Variants in SLC39A10 observed in about 807,000 individuals in gnomAD.
The protein encoded by SLC39A10 is solute carrier family 39 member 10, also known as zinc transporter ZIP10.
Under a neutral mutation model 65.1 loss-of-function variants are expected in SLC39A10, and 13 were observed. The ratio of observed to expected loss-of-function variants is 0.20; its 90% CI spans 0.13 to 0.32. SLC39A10 has a LOEUF of 0.32. SLC39A10 is among the 10% of genes least tolerant of loss of function. The pLI is 1.00. For missense variants in SLC39A10, 831 were observed against 1,018.4 expected, an observed-to-expected ratio of 0.82 and a Z score of 2.50; for synonymous variants, 321 against 342.2, an observed-to-expected ratio of 0.94 and a Z score of 0.68.
At chr2:195,690,173 GAAAAAAAAAAA>G (rs34116515) in intron 3 of SLC39A10, among the ~76,000 whole-genome samples, 1 of 61,150 alleles carries the variant, frequency 1.6e-5, no homozygotes, top group African/African-American at 5.2e-5. Context: ...GAGACTCTCT[GAAAAAAAAAAA>G]AAAAAAAAAA....
chr2:195,642,967 C>G (rs1688842444), intron 2 of SLC39A10, among the ~76,000 whole-genome samples: 1 of 152,120 alleles, frequency 6.6e-6, no homozygotes, highest in Non-Finnish European at 1.5e-5. Flanking sequence ...GTGGCAGATT[C>G]TTATTTAAAG....
At chr2:195,645,748 T>C (rs984390244) in intron 2 of SLC39A10, among the ~76,000 whole-genome samples, 2 of 152,240 alleles carry the variant, frequency 1.3e-5, no homozygotes, top group Non-Finnish European at 2.9e-5. Context: ...TAATTCATGT[T>C]GTAGCATGTA....
rs1690267197 is a variant in SLC39A10 at position 195,680,642 on chromosome 2, C to T, written c.600C>T (p.Ser200=). Reference sequence around the variant, plus strand: ...ACACTCACCATTTTCATAATGATTCCATTACTCCCAGTGAGCGTGGGGAGC... The same window carrying T: ...ACACTCACCATTTTCATAATGATTCTATTACTCCCAGTGAGCGTGGGGAGC... ...HNNTHHFHND[S]ITPSERGEPS... is the part of the protein sequence containing the mutation. The change falls in exon 2 of 10, where the codon TCC becomes TCT. Residue 200 remains serine, a synonymous_variant. Coordinates refer to ENST00000359634, the MANE Select transcript of SLC39A10 (RefSeq NM_020342.3). 6.2e-7 allele frequency: 1 copy of T among 1,614,118 alleles called. No homozygotes were observed. The highest frequency in any genetic ancestry group is 8.5e-7 in the Non-Finnish European group (1 of 1,180,044).
At chr2:195,717,462 A>T (rs549276534) in intron 7 of SLC39A10, 1 of 154,456 alleles carries the variant, frequency 6.5e-6, no homozygotes, top group South Asian at 2.0e-4. Context: ...TACCAGTTAA[A>T]AGGAACATTA....
chr2:195,623,379 T>C (rs1285427019), intron 2 of SLC39A10, among the ~76,000 whole-genome samples: 1 of 152,186 alleles, frequency 6.6e-6, no homozygotes, highest in African/African-American at 2.4e-5. Context: ...AGTATTTCCT[T>C]GTCCCCCACT....
chr2:195,732,768 T>C (rs1043746810), intron 9 of SLC39A10, among the ~76,000 whole-genome samples: 1 of 152,158 alleles, frequency 6.6e-6, no homozygotes, highest in East Asian at 1.9e-4. Flanking sequence ...GACCATATGG[T>C]TTCTGTCACA....
In SLC39A10 at chr2:195,718,098, A is replaced by G. The variant is rs114229838; in HGVS notation, c.2066-154A>G. Among the ~76,000 whole-genome samples, 680 of 152,332 alleles carry G rather than the reference A, an allele frequency of 4.5e-3. 4 individuals are homozygous for G. Among genetic ancestry groups the G allele is most frequent in the Non-Finnish European group, 8.1e-3 (548 of 68,026 alleles). ...TGTTACATACTTATTATACTCCACTATATGTTCAAAAACTATAGTGTGTAA... is the reference window on the plus strand; with the variant it reads ...TGTTACATACTTATTATACTCCACTGTATGTTCAAAAACTATAGTGTGTAA... On this transcript the variant is annotated intron_variant, in intron 7 of 9. Coordinates refer to ENST00000359634, the MANE Select transcript of SLC39A10 (RefSeq NM_020342.3).
chr2:195,637,806 A>C (rs993002149), intron 2 of SLC39A10, among the ~76,000 whole-genome samples: 5 of 152,226 alleles, frequency 3.3e-5, no homozygotes, highest in African/African-American at 1.2e-4. Context: ...CCTTTAAAAA[A>C]GATTGAGCTT....
chr2:195,685,498 C>G (rs771634528), intron 3 of SLC39A10, among the ~76,000 whole-genome samples: 14 of 152,076 alleles, frequency 9.2e-5, no homozygotes, highest in Non-Finnish European at 5.9e-5. Flanking sequence ...ACATTCTTAA[C>G]GCTCATCATT....
At chr2:195,692,825 TC>T (rs1178204793) in intron 3 of SLC39A10, among the ~76,000 whole-genome samples, 1 of 152,134 alleles carries the variant, frequency 6.6e-6, no homozygotes, top group Non-Finnish European at 1.5e-5. Flanking sequence ...TTGATTTCTT[TC>T]CCTTCTCTGA....
intron 2 of SLC39A10, among the ~76,000 whole-genome samples, chr2:195,619,528 T>C (rs921146294): frequency 1.4e-4 from 22 of 152,116 alleles, no homozygotes; most frequent in Non-Finnish European, 2.6e-4. Flanking sequence ...GGCTGAGGTG[T>C]GATGTGCCTA....
At chr2:195,706,177 G>A (rs938381174) in intron 3 of SLC39A10, among the ~76,000 whole-genome samples, 5 of 152,004 alleles carry the variant, frequency 3.3e-5, no homozygotes, top group African/African-American at 1.2e-4. Flanking sequence ...CTCTGTATTA[G>A]AAAGATTTAC....
intron 6 of SLC39A10, among the ~76,000 whole-genome samples, chr2:195,714,444 T>C (rs1691712881): frequency 6.6e-6 from 1 of 152,204 alleles, no homozygotes; most frequent in South Asian, 2.1e-4. Context: ...ATATTAAATA[T>C]ATGATCCAAG....
intron 2 of SLC39A10, among the ~76,000 whole-genome samples, chr2:195,647,784 A>G (rs1200800342): frequency 6.6e-6 from 1 of 152,106 alleles, no homozygotes; most frequent in Non-Finnish European, 1.5e-5. Flanking sequence ...GTTACTTATC[A>G]GAGTGGCTTG....
At chr2:195,686,118 A>G (rs193117854) in intron 3 of SLC39A10, among the ~76,000 whole-genome samples, 88 of 152,328 alleles carry the variant, frequency 5.8e-4, no homozygotes, top group African/African-American at 1.2e-3. Context: ...AAAATGATGT[A>G]TATGAATATG....
rs762390281 is a variant in SLC39A10 at position 195,708,885 on chromosome 2, C to T, written c.1575+41C>T. 24 of 1,433,174 alleles carry T rather than the reference C, an allele frequency of 1.7e-5. No homozygotes were observed. The South Asian group carries it at 2.3e-4, about 14-fold the overall frequency. The allele number at this position is 1,433,174 out of a possible 1,614,324, so 88.8% of individuals were successfully genotyped here. A position where few individuals can be genotyped will look rare whatever the true frequency, so the allele number is the denominator to read the frequency against. ...TTATTTAATTTTATACCATAAAACTCAAAACAAAAATTATCCTTTTCTGGG... is the reference window on the plus strand; with the variant it reads ...TTATTTAATTTTATACCATAAAACTTAAAACAAAAATTATCCTTTTCTGGG... On this transcript the variant is annotated intron_variant, in intron 5 of 9. Transcript: ENST00000359634.
chr2:195,655,609 C>T (rs1689129451), upstream of SLC39A10, among the ~76,000 whole-genome samples: 1 of 152,174 alleles, frequency 6.6e-6, no homozygotes, highest in African/African-American at 2.4e-5. Context: ...AAACGATCCC[C>T]TTAATTTATC....
chr2:195,646,654 G>A (rs913301981), intron 2 of SLC39A10, among the ~76,000 whole-genome samples: 1 of 79,516 alleles, frequency 1.3e-5, no homozygotes, highest in Non-Finnish European at 2.3e-5. Context: ...CTACAGACCC[G>A]GTAAGGCCGG....
intron 2 of SLC39A10, among the ~76,000 whole-genome samples, chr2:195,642,609 G>T (rs1688833943): frequency 1.3e-5 from 2 of 152,206 alleles, no homozygotes. Flanking sequence ...TACCCAGGAT[G>T]AGTAGATTAA....
Sources: gnomAD v4.1 joint callset for allele counts (sites outside exome capture counted in the v4.1 genomes callset) on GRCh38, gnomAD v4.1.1 for gene constraint, MANE v1.5 for transcripts, NCBI Gene and HGNC (gene_info 2026-07-23, HGNC 2026-07-21) for gene names.